EPHA4: variants seen among roughly 807,000 people sequenced by gnomAD.
EPHA4 encodes EPH receptor A4.
EPHA4 carries 19 observed loss-of-function variants against 108.3 expected under a neutral mutation model. The ratio of observed to expected loss-of-function variants is 0.18; its 90% CI spans 0.12 to 0.26. EPHA4 has a LOEUF of 0.26. Ranked by LOEUF, EPHA4 falls within the 10% of genes least tolerant of loss-of-function variation. The pLI is 1.00. For missense variants in EPHA4, 917 were observed against 1,254.0 expected (o/e 0.73, Z 4.06); for synonymous variants, 449 against 455.5 (o/e 0.99, Z 0.18).
Position 221,487,731 on chromosome 2 carries a change from T to C in EPHA4, c.980-5041A>G, listed in dbSNP as rs538215229. Among the ~76,000 whole-genome samples the C allele has an allele frequency of 1.9e-4, 29 of 152,314 alleles. No homozygotes were observed. In the East Asian group the frequency reaches 5.4e-3, roughly 28 times the overall value. On this transcript the variant is annotated intron_variant, in intron 4 of 17. Transcript: ENST00000281821. ...CATATAAATTAATCAAATGCTGAGG[T>C]GTATTTAAGGGAACATAAACACCCT...
chr2:221,430,000 C>A lies in EPHA4; in HGVS notation c.2648G>T (p.Arg883Leu). 6.2e-7 allele frequency: 1 copy of A among 1,613,908 alleles called. No homozygotes were observed. The highest frequency in any genetic ancestry group is 8.5e-7 in the Non-Finnish European group (1 of 1,179,950). The stretch of plus-strand genomic sequence containing the variant: ...TGTCCTCTTCAAGCTGTTGGGGTTG[C>A]GGATGAGTTTGTCCAACATGTTGAC... ...QIVNMLDKLIRNPNSLKRTGT... is the reference protein window; with the variant it reads ...QIVNMLDKLILNPNSLKRTGT... Residue 883 changes from arginine to leucine, a missense_variant, in exon 15 of 18, where the codon CGC becomes CTC. Arg to Leu is a moderately radical substitution (Grantham distance 102, BLOSUM62 -2). This residue lies in a region of EPHA4 where 133 missense variants were observed against 132.8 expected (regional missense o/e 1.00). Coordinates refer to ENST00000281821, the MANE Select transcript of EPHA4 (RefSeq NM_004438.5).
chr2:221,503,730 A>G (rs1692547358), intron 3 of EPHA4, among the ~76,000 whole-genome samples: 1 of 152,198 alleles, frequency 6.6e-6, no homozygotes, highest in African/African-American at 2.4e-5. Flanking sequence ...TCATTGTGCT[A>G]TTCTCGGCAG....
chr2:221,547,489 G>A (rs1694031112), intron 3 of EPHA4, among the ~76,000 whole-genome samples: 1 of 152,172 alleles, frequency 6.6e-6, no homozygotes, highest in South Asian at 2.1e-4. Context: ...GTGATACAGA[G>A]TCAAAATAAA....
In EPHA4 at chr2:221,563,936, G is replaced by C. The variant is rs758849213; in HGVS notation, c.618C>G (p.Leu206=). The change falls in exon 3 of 18, where the codon CTC becomes CTG. Residue 206 remains leucine (L), a synonymous_variant. Coordinates refer to ENST00000281821, the MANE Select transcript of EPHA4 (RefSeq NM_004438.5). ...SVRVFYKKCP[L]TVRNLAQFPD... is the part of the protein sequence containing the mutation. ...GAAACTGGGCCAGATTGCGGACTGT[G>C]AGTGGACACTTTTTATAGAACACAC... The C allele has an allele frequency of 3.7e-6, 6 of 1,614,184 alleles. No individual in the cohort carries two copies. Among genetic ancestry groups the C allele is most frequent in the Non-Finnish European group, 5.1e-6 (6 of 1,180,036 alleles).
intron 3 of EPHA4, among the ~76,000 whole-genome samples, chr2:221,539,386 G>T (rs888584818): frequency 6.6e-6 from 1 of 152,096 alleles, no homozygotes; most frequent in Non-Finnish European, 1.5e-5. Context: ...TAACAAGTCC[G>T]ATAAGATGGC....
intron 11 of EPHA4, among the ~76,000 whole-genome samples, chr2:221,441,506 C>G (rs1690428044): frequency 6.6e-6 from 1 of 152,116 alleles, no homozygotes; most frequent in African/African-American, 2.4e-5. Context: ...CCTACACATT[C>G]ACCATCCTTC....
intron 3 of EPHA4, among the ~76,000 whole-genome samples, chr2:221,538,161 G>T (rs1173378726): frequency 1.3e-5 from 2 of 152,178 alleles, no homozygotes; most frequent in Non-Finnish European, 2.9e-5. Flanking sequence ...TATGAGTAGG[G>T]TTATAAGTCT....
At chr2:221,570,322 C>CT (rs1372002129) in intron 1 of EPHA4, among the ~76,000 whole-genome samples, 1 of 150,902 alleles carries the variant, frequency 6.6e-6, no homozygotes, top group Non-Finnish European at 1.5e-5. Flanking sequence ...TTCTCCCCCC[C>CT]CCCCAAAAAA....
chr2:221,550,665 T>C (rs1159999874), intron 3 of EPHA4, among the ~76,000 whole-genome samples: 1 of 152,180 alleles, frequency 6.6e-6, no homozygotes. Flanking sequence ...AACTAGCCCA[T>C]AGTCACATAG....
At chr2:221,428,470 GTACCTT>G in intron 15 of EPHA4, among the ~76,000 whole-genome samples, 1 of 152,156 alleles carries the variant, frequency 6.6e-6, no homozygotes, top group Non-Finnish European at 1.5e-5. Context: ...AACTTGTTCT[GTACCTT>G]GGGGCAAAGC....
At chr2:221,552,584 G>C (rs1245170434) in intron 3 of EPHA4, among the ~76,000 whole-genome samples, 1 of 152,162 alleles carries the variant, frequency 6.6e-6, no homozygotes, top group Non-Finnish European at 1.5e-5. Context: ...ATGTTAATTT[G>C]CCTGGGGCTG....
At chr2:221,517,148 T>C (rs548433943) in intron 3 of EPHA4, among the ~76,000 whole-genome samples, 1 of 152,218 alleles carries the variant, frequency 6.6e-6, no homozygotes, top group South Asian at 2.1e-4. Flanking sequence ...CCTGGTAATA[T>C]GAGAGACTGA....
At chr2:221,558,710 T>C (rs1694370693) in intron 3 of EPHA4, among the ~76,000 whole-genome samples, 1 of 152,124 alleles carries the variant, frequency 6.6e-6, no homozygotes, top group South Asian at 2.1e-4. Flanking sequence ...ATAGAGACTA[T>C]TGCATGATTC....
intron 4 of EPHA4, among the ~76,000 whole-genome samples, chr2:221,496,958 C>A (rs1388705205): frequency 6.6e-6 from 1 of 151,938 alleles, no homozygotes; most frequent in South Asian, 2.1e-4. Context: ...CTTAACTGTA[C>A]AATAAATTAA....
At chr2:221,478,107 G>C (rs2106137209) in intron 5 of EPHA4, among the ~76,000 whole-genome samples, 1 of 152,146 alleles carries the variant, frequency 6.6e-6, no homozygotes, top group East Asian at 1.9e-4. Context: ...TAAAACGCCA[G>C]AATATGGTCC....
chr2:221,493,768 G>A (rs1336534516), intron 4 of EPHA4, among the ~76,000 whole-genome samples: 1 of 152,222 alleles, frequency 6.6e-6, no homozygotes, highest in African/African-American at 2.4e-5. Context: ...TAGAGACAAA[G>A]TAAGTGATGT....
At chr2:221,526,829 G>A (rs1693340523) in intron 3 of EPHA4, among the ~76,000 whole-genome samples, 1 of 126,630 alleles carries the variant, frequency 7.9e-6, no homozygotes, top group Non-Finnish European at 1.6e-5. Context: ...TTCCAGCCTG[G>A]GCAATATAGC....
At chr2:221,455,458 A>G (rs1204764789) in intron 8 of EPHA4, 89 bp downstream of exon 8, 1 of 1,029,844 alleles carries the variant, frequency 9.7e-7, no homozygotes, top group African/African-American at 1.6e-5. Context: ...TGACGCAATC[A>G]AAAGCCTTAG....
intron 14 of EPHA4, 115 bp downstream of exon 14, chr2:221,434,027 A>T: frequency 9.7e-7 from 1 of 1,033,886 alleles, no homozygotes; most frequent in Non-Finnish European, 1.4e-6. Context: ...TATCTGTATT[A>T]AGAAATTTGA....
Sources: gnomAD v4.1 joint callset for allele counts (sites outside exome capture counted in the v4.1 genomes callset) on GRCh38, gnomAD v4.1.1 for gene constraint, gnomAD v4.1.1 regional missense constraint, MANE v1.5 for transcripts, NCBI Gene and HGNC (gene_info 2026-07-23, HGNC 2026-07-21) for gene names.